The following INPP5A variants were observed in gnomAD, a reference collection of about 807,000 sequenced individuals.
INPP5A encodes the protein inositol polyphosphate-5-phosphatase A.
In INPP5A, 14 loss-of-function variants were observed where a neutral mutation model predicts 65.2. The ratio of observed to expected loss-of-function variants is 0.21; its 90% CI spans 0.14 to 0.34. The LOEUF (loss-of-function observed/expected upper bound fraction) is 0.34. INPP5A is among the 10% of genes least tolerant of loss of function. INPP5A has a pLI of 1.00. For missense variants in INPP5A, 431 were observed against 545.6 expected, an observed-to-expected ratio of 0.79 and a Z score of 2.09; for synonymous variants, 207 against 208.3, an observed-to-expected ratio of 0.99 and a Z score of 0.05.
At chr10:132,577,435 G>A (rs2071424081) in intron 1 of INPP5A, among the ~76,000 whole-genome samples, 1 of 152,212 alleles carries the variant, frequency 6.6e-6, no homozygotes, top group African/African-American at 2.4e-5. Context: ...TTGTTCACAC[G>A]TTTATCTCGG....
At chr10:132,689,465 T>A (rs1233869055) in intron 4 of INPP5A, among the ~76,000 whole-genome samples, 1 of 152,234 alleles carries the variant, frequency 6.6e-6, no homozygotes, top group Non-Finnish European at 1.5e-5. Flanking sequence ...AAGTCAGGTT[T>A]ATAACGATTA....
At chr10:132,690,751 C>T (rs1004267739) in intron 5 of INPP5A, among the ~76,000 whole-genome samples, 3 of 152,156 alleles carry the variant, frequency 2.0e-5, no homozygotes, top group Non-Finnish European at 1.5e-5. Flanking sequence ...AATGAAAAGC[C>T]GAATGAGAGG....
intron 4 of INPP5A, among the ~76,000 whole-genome samples, chr10:132,672,624 C>T (rs1359402246): frequency 6.6e-6 from 1 of 152,162 alleles, no homozygotes; most frequent in African/African-American, 2.4e-5. Flanking sequence ...CCATATTAAA[C>T]CTCTTTCTTT....
chr10:132,703,350 C>T (rs530880917), intron 6 of INPP5A, among the ~76,000 whole-genome samples: 3 of 152,198 alleles, frequency 2.0e-5, no homozygotes, highest in East Asian at 1.9e-4. Context: ...ACCCGCCAGC[C>T]GCAGGCCCCT....
intron 12 of INPP5A, among the ~76,000 whole-genome samples, chr10:132,767,810 C>CGT (rs76462106): frequency 8.1e-5 from 12 of 148,298 alleles, no homozygotes; most frequent in South Asian, 2.2e-4. Context: ...AGGGTGCCCA[C>CGT]GCGCCCAGTG....
chr10:132,617,057 T>C (rs1160271965), intron 2 of INPP5A, among the ~76,000 whole-genome samples: 2 of 152,138 alleles, frequency 1.3e-5, no homozygotes, highest in African/African-American at 4.8e-5. Context: ...CCCGCAGCCT[T>C]CACCTGTAGG....
chr10:132,711,794 G>A (rs907145160), intron 8 of INPP5A, among the ~76,000 whole-genome samples: 3 of 152,334 alleles, frequency 2.0e-5, no homozygotes, highest in African/African-American at 7.2e-5. Flanking sequence ...ACTGTCCCTG[G>A]GGCAGTCACA....
Position 132,635,148 on chromosome 10 carries a change from C to T in INPP5A, c.118-10720C>T, listed in dbSNP as rs537914391. ...GAACTCAGTTTTTAAACATTTATTT[C>T]GTTTTCTTTTAAATAGCCACATTTG... On this transcript the variant is annotated intron_variant, in intron 2 of 15. Transcript: ENST00000368594. Among the ~76,000 whole-genome samples, 8 of 152,180 alleles carry T rather than the reference C, an allele frequency of 5.3e-5. No homozygotes were observed. In the South Asian group the frequency reaches 6.2e-4, roughly 12 times the overall value.
At chr10:132,691,941 G>A (rs1242466276) in intron 5 of INPP5A, among the ~76,000 whole-genome samples, 1 of 151,866 alleles carries the variant, frequency 6.6e-6, no homozygotes, top group African/African-American at 2.4e-5. Context: ...GGTCGCGGGA[G>A]GCGTGCGGTC....
At chr10:132,726,729 T>C (rs1845991726) in intron 8 of INPP5A, 92 bp from the exon 9 acceptor site, 2 of 853,954 alleles carry the variant, frequency 2.3e-6, no homozygotes, top group Admixed American at 2.1e-5. Flanking sequence ...ACAGAGAGTG[T>C]GCGGATGGGG....
At chr10:132,576,179 C>T (rs948333903) in intron 1 of INPP5A, among the ~76,000 whole-genome samples, 3 of 152,198 alleles carry the variant, frequency 2.0e-5, no homozygotes, top group African/African-American at 7.2e-5. Flanking sequence ...GGTGAGGGAG[C>T]CGTGGTCCGG....
intron 2 of INPP5A, among the ~76,000 whole-genome samples, chr10:132,608,532 G>T (rs1425756630): frequency 6.6e-6 from 1 of 152,250 alleles, no homozygotes; most frequent in Non-Finnish European, 1.5e-5. Flanking sequence ...GCCCTCGCAG[G>T]TCTTCATGGA....
chr10:132,716,727 A>G (rs1845746475), intron 8 of INPP5A, among the ~76,000 whole-genome samples: 1 of 152,172 alleles, frequency 6.6e-6, no homozygotes, highest in Admixed American at 6.5e-5. Context: ...GTGCCGCACC[A>G]GTTTTTGTGG....
chr10:132,598,106 G>T (rs1220291250), intron 1 of INPP5A, among the ~76,000 whole-genome samples: 2 of 152,244 alleles, frequency 1.3e-5, no homozygotes, highest in Non-Finnish European at 2.9e-5. Flanking sequence ...TACTGCTAGG[G>T]TCAGAACTTT....
chr10:132,685,300 G>T (rs536338084), intron 4 of INPP5A, among the ~76,000 whole-genome samples: 1 of 152,232 alleles, frequency 6.6e-6, no homozygotes, highest in Admixed American at 6.5e-5. Context: ...CCCCTGGGGC[G>T]CACTGGGAGC....
intron 1 of INPP5A, among the ~76,000 whole-genome samples, chr10:132,562,021 C>T (rs1186257942): frequency 6.6e-6 from 1 of 152,224 alleles, no homozygotes; most frequent in Non-Finnish European, 1.5e-5. Flanking sequence ...CTCATGTCTG[C>T]AGTTTAAGTA....
At chr10:132,759,683 A>C (rs1487333483) in intron 11 of INPP5A, among the ~76,000 whole-genome samples, 1 of 151,806 alleles carries the variant, frequency 6.6e-6, no homozygotes, top group East Asian at 1.9e-4. Flanking sequence ...TACAGTGAAC[A>C]GTCTGTGTTC....
At chr10:132,591,238 A>G (rs1423469638) in intron 1 of INPP5A, among the ~76,000 whole-genome samples, 1 of 152,216 alleles carries the variant, frequency 6.6e-6, no homozygotes, top group African/African-American at 2.4e-5. Flanking sequence ...TGATTTTGCC[A>G]TGCCAAAGTT....
At chr10:132,658,391 A>G (rs1056691434) in intron 4 of INPP5A, among the ~76,000 whole-genome samples, 3 of 152,222 alleles carry the variant, frequency 2.0e-5, no homozygotes, top group East Asian at 1.9e-4. Flanking sequence ...GTTTGACTCC[A>G]TAAGCCTGCT....
Sources: gnomAD v4.1 joint callset for allele counts (sites outside exome capture counted in the v4.1 genomes callset) on GRCh38, gnomAD v4.1.1 for gene constraint, MANE v1.5 for transcripts, NCBI Gene and HGNC (gene_info 2026-07-23, HGNC 2026-07-21) for gene names.